The following SNTG1 variants were observed in gnomAD, a reference collection of about 807,000 sequenced individuals.
SNTG1 encodes syntrophin gamma 1, also known as gamma-1-syntrophin.
In SNTG1, 39 loss-of-function variants were observed where a neutral mutation model predicts 74.7. The observed-to-expected ratio is 0.52, with a 90% CI of 0.40 to 0.68. The LOEUF is 0.68. SNTG1 is among the 30% of genes least tolerant of loss of function. The pLI, the probability that SNTG1 is intolerant of heterozygous loss-of-function variation, is 0.00. For synonymous variants in SNTG1, 254 were observed against 217.1 expected (o/e 1.17, Z -1.49); for missense variants, 685 against 609.5 (o/e 1.12, Z -1.30).
In SNTG1 at chr8:50,346,451, G is replaced by A. The variant is rs2091480195; in HGVS notation, c.-27-47761G>A. Among the ~76,000 whole-genome samples the A allele has an allele frequency of 3.9e-5, 6 of 151,900 alleles. No individual in the cohort carries two copies. In the South Asian group the frequency reaches 1.3e-3, roughly 32 times the overall value. Reference sequence around the variant, plus strand: ...TCCTCTGTCTTGCTTTCTCTCCTGGGGCCTCCGTATTCCCTGAGACCCAAC... The same window carrying A: ...TCCTCTGTCTTGCTTTCTCTCCTGGAGCCTCCGTATTCCCTGAGACCCAAC... On this transcript the variant is annotated intron_variant, in intron 2 of 18. Coordinates refer to ENST00000642720, the MANE Select transcript of SNTG1 (RefSeq NM_018967.5).
At chr8:50,147,547 T>C (rs1370412086) in intron 1 of SNTG1, among the ~76,000 whole-genome samples, 2 of 152,206 alleles carry the variant, frequency 1.3e-5, no homozygotes, top group African/African-American at 4.8e-5. Context: ...AGTAATGGGT[T>C]ACTCTAAAGA....
At chr8:50,450,441 A>AT in intron 6 of SNTG1, 115 bp from the exon 7 acceptor site, 1 of 1,083,226 alleles carries the variant, frequency 9.2e-7, no homozygotes, top group Non-Finnish European at 1.3e-6. Flanking sequence ...GATGCTAACC[A>AT]TATAAGACAC....
intron 2 of SNTG1, among the ~76,000 whole-genome samples, chr8:50,220,836 A>T (rs953483558): frequency 6.6e-6 from 1 of 152,162 alleles, no homozygotes; most frequent in Non-Finnish European, 1.5e-5. Context: ...TCCTACCATC[A>T]TTCTCTCCCC....
At chr8:50,014,431 A>G (rs1286782536) in intron 1 of SNTG1, among the ~76,000 whole-genome samples, 3 of 114,664 alleles carry the variant, frequency 2.6e-5, no homozygotes, top group African/African-American at 9.4e-5. Context: ...CTGAGAATTT[A>G]AAAGGAAATT....
intron 8 of SNTG1, among the ~76,000 whole-genome samples, chr8:50,483,758 T>C (rs1052920924): frequency 5.3e-5 from 8 of 152,252 alleles, no homozygotes; most frequent in Non-Finnish European, 1.0e-4. Flanking sequence ...AACTGTATTC[T>C]GCAGCTGCAA....
chr8:50,765,364 C>A (rs942083876), intron 18 of SNTG1, among the ~76,000 whole-genome samples: 1 of 151,988 alleles, frequency 6.6e-6, no homozygotes, highest in Non-Finnish European at 1.5e-5. Flanking sequence ...TGGTCTGCAT[C>A]CATTGGTATT....
chr8:50,073,682 G>A (rs897262512), intron 1 of SNTG1, among the ~76,000 whole-genome samples: 1 of 152,026 alleles, frequency 6.6e-6, no homozygotes, highest in East Asian at 1.9e-4. Context: ...TTTGATCCAT[G>A]AGCTGAGAAA....
At chr8:50,610,681 G>A (rs2094843455) in intron 13 of SNTG1, among the ~76,000 whole-genome samples, 1 of 152,040 alleles carries the variant, frequency 6.6e-6, no homozygotes, top group African/African-American at 2.4e-5. Context: ...AAAGTTGTTG[G>A]GTTTCGTGTC....
At chr8:50,650,533 C>CAATT (rs1475490270) in intron 13 of SNTG1, among the ~76,000 whole-genome samples, 1 of 151,928 alleles carries the variant, frequency 6.6e-6, no homozygotes, top group East Asian at 1.9e-4. Context: ...TTTTAAAAAA[C>CAATT]AATTAGTAGA....
At chr8:50,212,285 C>A (rs1028554908) in intron 2 of SNTG1, among the ~76,000 whole-genome samples, 1 of 152,004 alleles carries the variant, frequency 6.6e-6, no homozygotes, top group African/African-American at 2.4e-5. Context: ...AGATAGGGGT[C>A]CATTTTAACC....
chr8:50,003,449 A>T (rs1319270720), intron 1 of SNTG1, among the ~76,000 whole-genome samples: 1 of 152,192 alleles, frequency 6.6e-6, no homozygotes, highest in Non-Finnish European at 1.5e-5. Context: ...GGCAACAATG[A>T]TCACTTTTAA....
rs1372037580 is a variant in SNTG1, at chr8:50,776,374, C to A, written c.1396-16297C>A. On this transcript the variant is annotated intron_variant, in intron 18 of 18. Transcript: ENST00000642720. ...CCTTAACATATTTTAAGTCTCTTTA[C>A]CTATTTTATTATATTTTACATTTTA... is the stretch of plus-strand genomic sequence containing the variant. 4.8e-5 allele frequency among the ~76,000 whole-genome samples: 7 copies of A among 147,236 alleles called. No homozygotes were observed. The East Asian group carries it at 1.4e-3, about 29-fold the overall frequency.
chr8:50,583,806 G>T (rs2094628298), intron 12 of SNTG1, among the ~76,000 whole-genome samples: 1 of 150,246 alleles, frequency 6.7e-6, no homozygotes, highest in South Asian at 2.1e-4. Context: ...AAGTTCTAGG[G>T]TACATGTGCA....
intron 15 of SNTG1, among the ~76,000 whole-genome samples, chr8:50,688,319 G>T (rs2095361958): frequency 1.3e-5 from 2 of 152,142 alleles, no homozygotes; most frequent in South Asian, 4.1e-4. Flanking sequence ...TTTTAGACAT[G>T]AAGTCCTCGC....
At chr8:50,554,611 C>T (rs1197270805) in intron 12 of SNTG1, among the ~76,000 whole-genome samples, 1 of 151,852 alleles carries the variant, frequency 6.6e-6, no homozygotes, top group Non-Finnish European at 1.5e-5. Flanking sequence ...CCCAACCCAC[C>T]CTTGCTAATC....
At chr8:50,710,993 A>C (rs980588301) in intron 17 of SNTG1, among the ~76,000 whole-genome samples, 2 of 152,178 alleles carry the variant, frequency 1.3e-5, no homozygotes, top group Non-Finnish European at 1.5e-5. Context: ...CAAGAAGGTT[A>C]TATTATCCAT....
intron 15 of SNTG1, among the ~76,000 whole-genome samples, chr8:50,697,600 T>C (rs959153795): frequency 3.3e-5 from 5 of 152,184 alleles, no homozygotes; most frequent in Non-Finnish European, 7.4e-5. Context: ...GGTATGTTCC[T>C]TCTATGCTTC....
At chr8:50,403,449 G>A (rs1283347006) in intron 4 of SNTG1, among the ~76,000 whole-genome samples, 2 of 152,130 alleles carry the variant, frequency 1.3e-5, no homozygotes, top group Non-Finnish European at 2.9e-5. Flanking sequence ...CTGTTCCCAT[G>A]GGGTTGTCCT....
At chr8:50,488,566 C>T (rs1047323839) in intron 8 of SNTG1, among the ~76,000 whole-genome samples, 1 of 152,160 alleles carries the variant, frequency 6.6e-6, no homozygotes, top group Non-Finnish European at 1.5e-5. Context: ...GAGCACCTCT[C>T]AACGTCTCCC....
Sources: gnomAD v4.1 joint callset for allele counts (sites outside exome capture counted in the v4.1 genomes callset) on GRCh38, gnomAD v4.1.1 for gene constraint, MANE v1.5 for transcripts, NCBI Gene and HGNC (gene_info 2026-07-23, HGNC 2026-07-21) for gene names.